The following JAKMIP2 variants were observed in gnomAD, a reference collection of about 807,000 sequenced individuals.
JAKMIP2 encodes janus kinase and microtubule-interacting protein 2.
In JAKMIP2, 25 loss-of-function variants were observed where a neutral mutation model predicts 115.0. The observed-to-expected ratio is 0.22, with a 90% CI of 0.16 to 0.30. JAKMIP2 has a LOEUF of 0.30. JAKMIP2 is among the 10% of genes least tolerant of loss of function. JAKMIP2 has a pLI of 1.00. For missense variants in JAKMIP2, 642 were observed against 957.6 expected, an observed-to-expected ratio of 0.67 and a Z score of 4.35; for synonymous variants, 334 against 343.6, an observed-to-expected ratio of 0.97 and a Z score of 0.31.
At chr5:147,673,820 CATAT>C (rs35379141) in intron 1 of JAKMIP2, among the ~76,000 whole-genome samples, 2 of 150,246 alleles carry the variant, frequency 1.3e-5, no homozygotes, top group African/African-American at 4.9e-5. Flanking sequence ...AGTAAATTCA[CATAT>C]ATATATATAT....
At chr5:147,632,659 T>C (rs1404203331) in intron 13 of JAKMIP2, 21 bp downstream of exon 13, 1 of 1,422,574 alleles carries the variant, frequency 7.0e-7, no homozygotes, top group African/African-American at 1.4e-5. Flanking sequence ...ATTTTTATTA[T>C]TATCATCATC....
chr5:147,665,008 T>A (rs895645790), intron 2 of JAKMIP2, among the ~76,000 whole-genome samples: 1 of 152,222 alleles, frequency 6.6e-6, no homozygotes, highest in East Asian at 1.9e-4. Context: ...CCCTAACATA[T>A]AAGAATTCAC....
chr5:147,631,584 T>C, intron 13 of JAKMIP2, 73 bp from the exon 14 acceptor site: 3 of 930,450 alleles, frequency 3.2e-6, no homozygotes, highest in Non-Finnish European at 5.0e-6. Flanking sequence ...CAGTGGTCTC[T>C]TTATGCTATT....
chr5:147,775,930 A>T (rs537584561), intron 1 of JAKMIP2, among the ~76,000 whole-genome samples: 2 of 152,040 alleles, frequency 1.3e-5, no homozygotes, highest in African/African-American at 4.8e-5. Flanking sequence ...AAGCAAATAA[A>T]TAGCTCTGTA....
At chr5:147,616,382 GTAC>G (rs1203073921) in intron 19 of JAKMIP2, among the ~76,000 whole-genome samples, 1 of 152,194 alleles carries the variant, frequency 6.6e-6, no homozygotes, top group Non-Finnish European at 1.5e-5. Flanking sequence ...GTTCAGAAAT[GTAC>G]TATCAGCACT....
At chr5:147,737,000 C>T (rs1363155431) in intron 1 of JAKMIP2, among the ~76,000 whole-genome samples, 1 of 152,132 alleles carries the variant, frequency 6.6e-6, no homozygotes, top group Non-Finnish European at 1.5e-5. Flanking sequence ...TATCTGATGT[C>T]AGGCCCAGCA....
intron 8 of JAKMIP2, among the ~76,000 whole-genome samples, chr5:147,641,348 G>A (rs895775274): frequency 2.6e-5 from 4 of 152,176 alleles, no homozygotes; most frequent in Non-Finnish European, 5.9e-5. Context: ...AAGATTGTCT[G>A]AATGAATAAT....
At chr5:147,601,860 C>A in intron 20 of JAKMIP2, 49 bp from the exon 21 acceptor site, 2 of 846,682 alleles carry the variant, frequency 2.4e-6, no homozygotes, top group South Asian at 3.2e-5. Context: ...TTCTGTAGTG[C>A]CATTCAGGTA....
chr5:147,674,125 C>T (rs186225093), intron 1 of JAKMIP2, among the ~76,000 whole-genome samples: 1 of 151,852 alleles, frequency 6.6e-6, no homozygotes, highest in Admixed American at 6.6e-5. Context: ...TACATTAGTC[C>T]CCCCAAACCT....
chr5:147,689,269 G>C (rs1391062689), intron 1 of JAKMIP2, among the ~76,000 whole-genome samples: 2 of 152,112 alleles, frequency 1.3e-5, no homozygotes, highest in Non-Finnish European at 2.9e-5. Flanking sequence ...ACCATGCTGT[G>C]CTTTTTAGGC....
At chr5:147,607,632 TTTG>T (rs923103697) in intron 20 of JAKMIP2, among the ~76,000 whole-genome samples, 3 of 152,056 alleles carry the variant, frequency 2.0e-5, no homozygotes, top group African/African-American at 4.8e-5. Flanking sequence ...GGCCTGAAAT[TTTG>T]TTGTTGTTGT....
intron 11 of JAKMIP2, 46 bp from the exon 12 acceptor site, chr5:147,636,330 G>T (rs370585379): frequency 4.7e-6 from 7 of 1,505,312 alleles, no homozygotes; most frequent in Non-Finnish European, 6.5e-6. Context: ...AGAGTGGCAC[G>T]AAAGAGCCTG....
At chr5:147,632,924 T>A (rs1757432734) in intron 12 of JAKMIP2, 146 bp from the exon 13 acceptor site, 1 of 543,736 alleles carries the variant, frequency 1.8e-6, no homozygotes, top group Non-Finnish European at 3.3e-6. Flanking sequence ...AAAATAAGTA[T>A]TTGGCTTTGG....
At chr5:147,733,885 T>C (rs189963001) in intron 1 of JAKMIP2, among the ~76,000 whole-genome samples, 120 of 152,292 alleles carry the variant, frequency 7.9e-4, no homozygotes, top group Non-Finnish European at 1.4e-3. Context: ...TTGGGTTGGT[T>C]CCAAGTCTTT....
At chr5:147,602,114 T>C (rs548572593) in intron 20 of JAKMIP2, among the ~76,000 whole-genome samples, 1 of 152,318 alleles carries the variant, frequency 6.6e-6, no homozygotes, top group East Asian at 1.9e-4. Context: ...TTTAATTTCA[T>C]ACAATTTTAT....
chr5:147,664,787 G>C (rs1248029652), intron 2 of JAKMIP2, among the ~76,000 whole-genome samples: 2 of 152,012 alleles, frequency 1.3e-5, no homozygotes, highest in Non-Finnish European at 2.9e-5. Flanking sequence ...CCTCATCTCT[G>C]TGTACCCAGT....
In JAKMIP2 at chr5:147,640,765, G is replaced by T. The variant is rs777020968; in HGVS notation, c.1340C>A (p.Ser447Ter). Residue 447 changes from serine to a stop codon, truncating the protein, a stop_gained, in exon 9 of 22, where the codon TCA becomes TAA. Transcript: ENST00000616793. LOFTEE classifies it high-confidence loss of function. ...YDEDSMDSET[S>*]SMASFRTDRT... ...GTCTGTTCTAAATGAGGCCATGGATGATGTCTCTGAATCCATAGAGTCCTC... is the reference window on the plus strand; with the variant it reads ...GTCTGTTCTAAATGAGGCCATGGATTATGTCTCTGAATCCATAGAGTCCTC... 1 of 1,613,054 alleles carries T rather than the reference G, an allele frequency of 6.2e-7. No individual in the cohort carries two copies. The highest frequency in any genetic ancestry group is 1.1e-5 in the South Asian group (1 of 91,058).
chr5:147,746,966 T>C (rs1047766826), intron 1 of JAKMIP2, among the ~76,000 whole-genome samples: 2 of 152,070 alleles, frequency 1.3e-5, no homozygotes, highest in Non-Finnish European at 2.9e-5. Flanking sequence ...GGCAGGAGAG[T>C]GAATTTTTCT....
At chr5:147,716,492 C>A (rs1753002985) in intron 1 of JAKMIP2, among the ~76,000 whole-genome samples, 1 of 151,152 alleles carries the variant, frequency 6.6e-6, no homozygotes, top group African/African-American at 2.4e-5. Flanking sequence ...TTCTCCACAT[C>A]CTCTCCAGCA....
Sources: gnomAD v4.1 joint callset for allele counts (sites outside exome capture counted in the v4.1 genomes callset) on GRCh38, gnomAD v4.1.1 for gene constraint, MANE v1.5 for transcripts, NCBI Gene and HGNC (gene_info 2026-07-23, HGNC 2026-07-21) for gene names.